The following PPRC1 variants were observed in gnomAD, a reference collection of about 807,000 sequenced individuals.
PPRC1 encodes PPARG related coactivator 1, also known as peroxisome proliferator-activated receptor gamma coactivator-related protein 1.
In PPRC1, 23 loss-of-function variants were observed where a neutral mutation model predicts 132.5. That is an observed-to-expected ratio of 0.17 (90% confidence interval 0.12 to 0.25). The LOEUF is 0.25. Ranked by LOEUF, PPRC1 falls within the 10% of genes least tolerant of loss-of-function variation. The pLI, the probability that PPRC1 is intolerant of heterozygous loss-of-function variation, is 1.00. For synonymous variants in PPRC1, 872 were observed against 833.5 expected, an observed-to-expected ratio of 1.05 and a Z score of -0.80; for missense variants, 2,006 against 2,089.1, an observed-to-expected ratio of 0.96 and a Z score of 0.78.
chr10:102,141,819 C>A lies in PPRC1; in HGVS notation c.3311C>A (p.Thr1104Asn). 2 of 1,614,046 alleles carry A rather than the reference C, an allele frequency of 1.2e-6. No homozygotes were observed. Among genetic ancestry groups the A allele is most frequent in the Non-Finnish European group, 1.7e-6 (2 of 1,179,966 alleles). The change falls in exon 5 of 14, where the codon ACC becomes AAC. Residue 1104 changes from threonine (T) to asparagine (N), a missense_variant. By Grantham distance (65) the Thr-to-Asn change is moderately conservative. This residue lies in a region of PPRC1 where 1,914 missense variants were observed against 1,917.2 expected (regional missense o/e 1.00). Transcript: ENST00000278070. ...EPASERLKPETQETRPREKPP... is the reference protein window; with the variant it reads ...EPASERLKPENQETRPREKPP... Reference sequence around the variant, plus strand: ...GCATCAGAGAGGCTAAAGCCTGAGACCCAAGAGACCAGGCCCAGGGAGAAG... The same window carrying A: ...GCATCAGAGAGGCTAAAGCCTGAGAACCAAGAGACCAGGCCCAGGGAGAAG...
At chr10:102,120,162 C>A in the PPRC1 span, 4 of 1,240,122 alleles carry the variant, frequency 3.2e-6, no homozygotes, top group South Asian at 1.2e-4. Context: ...GCCCGCCCCT[C>A]GCGGGGACAG....
Position 102,141,286 on chromosome 10 carries a change from T to C in PPRC1, c.2778T>C (p.Tyr926=). The change falls in exon 5 of 14, where the codon TAT becomes TAC. Residue 926 remains tyrosine, a synonymous_variant. Coordinates refer to ENST00000278070, the MANE Select transcript of PPRC1 (RefSeq NM_015062.5). The part of the protein sequence containing the change: ...HYAPLPSWPC[Y]PHVSPSGYPC... ...CCCCCTTGCCATCCTGGCCTTGTTA[T>C]CCTCATGTGTCCCCTTCTGGCTATC... is the stretch of plus-strand genomic sequence containing the variant. 4 of 1,614,072 alleles carry C rather than the reference T, an allele frequency of 2.5e-6. No homozygotes were observed. Among genetic ancestry groups the C allele is most frequent in the Non-Finnish European group, 3.4e-6 (4 of 1,179,972 alleles).
At position 102,146,767 on chromosome 10, in the gene PPRC1, C is replaced by G. The variant is rs1010356934; in HGVS notation, c.3775C>G (p.Gln1259Glu). Residue 1259 changes from glutamine (Q) to glutamate (E), a missense_variant, in exon 9 of 14, where the codon CAG becomes GAG. By Grantham distance (29) the Gln-to-Glu change is conservative (BLOSUM62 2). Coordinates refer to ENST00000278070, the MANE Select transcript of PPRC1 (RefSeq NM_015062.5). ...AKAKSPKSTA[Q>E]EGTLKPEGVT... Reference sequence around the variant, plus strand: ...AGCCAAATCTCCTAAGTCCACCGCCCAGGAGGGAACCCTGAAGCCTGAAGG... The same window carrying G: ...AGCCAAATCTCCTAAGTCCACCGCCGAGGAGGGAACCCTGAAGCCTGAAGG... 1.9e-6 allele frequency: 3 copies of G among 1,614,012 alleles called. No individual in the cohort carries two copies. In the African/African-American group the frequency reaches 4.0e-5, roughly 22 times the overall value.
chr10:102,134,017 G>A (rs569555285), intron 1 of PPRC1, among the ~76,000 whole-genome samples: 1 of 152,178 alleles, frequency 6.6e-6, no homozygotes, highest in South Asian at 2.1e-4. Context: ...TGAGGCTGAA[G>A]GGTTGTGGAG....
Position 102,139,060 on chromosome 10 carries a change from C to G in PPRC1, c.592-40C>G, listed in dbSNP as rs2068836405. The G allele has an allele frequency of 3.7e-6, 6 of 1,607,110 alleles. No individual in the cohort carries two copies. In the South Asian group the frequency reaches 5.5e-5, roughly 15 times the overall value. ...GGGACAGGTCTGGAAAATACTTTCC[C>G]AAAGAAAACTCCTCCTGAGACCTCT... On this transcript the variant is annotated intron_variant, in intron 4 of 13. Coordinates refer to ENST00000278070, the MANE Select transcript of PPRC1 (RefSeq NM_015062.5).
chr10:102,131,624 A>C (rs544803488), upstream of PPRC1, among the ~76,000 whole-genome samples: 8 of 152,214 alleles, frequency 5.3e-5, no homozygotes, highest in East Asian at 1.9e-4. Flanking sequence ...TGTTCATCAT[A>C]ATAATATGTA....
At chr10:102,122,122 C>T in the PPRC1 span, among the ~76,000 whole-genome samples, 2 of 152,076 alleles carry the variant, frequency 1.3e-5, no homozygotes, top group Admixed American at 6.5e-5. Context: ...CAGAGAGGAC[C>T]TGACTGAAGC....
At chr10:102,142,458 G>A (rs1286862474) in intron 5 of PPRC1, among the ~76,000 whole-genome samples, 5 of 104,172 alleles carry the variant, frequency 4.8e-5, no homozygotes, top group African/African-American at 7.4e-5. Flanking sequence ...TTCCTCTGTC[G>A]CCCAGGCTGG....
At position 102,140,575 on chromosome 10, in the gene PPRC1, A is replaced by C. The variant is rs557326217; in HGVS notation, c.2067A>C (p.Arg689Ser). The change falls in exon 5 of 14, where the codon AGA becomes AGC. Residue 689 changes from arginine (R) to serine (S), a missense_variant. Physicochemically the swap from Arg to Ser is moderately radical, Grantham distance 110. This residue lies in a region of PPRC1 where 1,914 missense variants were observed against 1,917.2 expected (regional missense o/e 1.00). Transcript: ENST00000278070. Reference protein sequence around the residue: ...TPVDPVLVKSRPTDPRRGAVS... With the variant: ...TPVDPVLVKSSPTDPRRGAVS... ...TTGACCCAGTGCTAGTTAAGTCCAG[A>C]CCAACTGATCCCAGACGTGGTGCAG... 4.3e-6 allele frequency: 7 copies of C among 1,613,978 alleles called. No homozygotes were observed. The South Asian group carries it at 6.6e-5, about 15-fold the overall frequency.
chr10:102,144,851 T>A (rs1317523002), intron 7 of PPRC1, 169 bp from the exon 8 acceptor site: 1 of 619,700 alleles, frequency 1.6e-6, no homozygotes, highest in East Asian at 2.8e-5. Context: ...GAGATCCAAT[T>A]TGTAGTTCAG....
chr10:102,135,748 G>A (rs2068699930), intron 1 of PPRC1, among the ~76,000 whole-genome samples: 1 of 152,338 alleles, frequency 6.6e-6, no homozygotes, highest in South Asian at 2.1e-4. Flanking sequence ...GATTTAGGGA[G>A]GGTCTCAGGC....
Position 102,133,134 on chromosome 10 carries a change from C to T in PPRC1, c.66C>T (p.Asp22=), listed in dbSNP as rs2068582887. 8.0e-7 allele frequency: 1 copy of T among 1,252,056 alleles called. No individual in the cohort carries two copies. The highest frequency in any genetic ancestry group is 1.0e-6 in the Non-Finnish European group (1 of 991,706). The allele number at this position is 1,252,056 out of a possible 1,614,324, so 77.6% of individuals were successfully genotyped here. A position where few individuals can be genotyped will look rare whatever the true frequency, so the allele number is the denominator to read the frequency against. ...CCCCGAGTGGGGGCCCCGGTCCGGACCCTGGCGGGGGAGCCCGCGGCAGTG... is the reference window on the plus strand; with the variant it reads ...CCCCGAGTGGGGGCCCCGGTCCGGATCCTGGCGGGGGAGCCCGCGGCAGTG... ...APPPSGGPGP[D]PGGGARGSGW... is the part of the protein sequence containing the mutation. The change falls in exon 1 of 14, where the codon GAC becomes GAT. Residue 22 remains aspartate (D), a synonymous_variant. Coordinates refer to ENST00000278070, the MANE Select transcript of PPRC1 (RefSeq NM_015062.5).
chr10:102,120,044 G>T, the PPRC1 span: 1 of 1,405,106 alleles, frequency 7.1e-7, no homozygotes, highest in Non-Finnish European at 9.5e-7. Flanking sequence ...CCGCAGGGAC[G>T]GCTGGGCAGG....
chr10:102,132,434 A>T (rs2133573273), upstream of PPRC1, among the ~76,000 whole-genome samples: 1 of 152,374 alleles, frequency 6.6e-6, no homozygotes, highest in East Asian at 1.9e-4. Flanking sequence ...GTCGACATAT[A>T]GGCAGGAGAA....
Position 102,141,500 on chromosome 10 carries a change from C to A in PPRC1, c.2992C>A (p.Pro998Thr). 1 of 1,613,782 alleles carries A rather than the reference C, an allele frequency of 6.2e-7. No homozygotes were observed. Among genetic ancestry groups the A allele is most frequent in the South Asian group, 1.1e-5 (1 of 91,058 alleles). ...ACATGCTCCATTCTGGTCTACTGTT[C>A]CCCCACCTCCTTTGCCTCCAGCCTC... ...PQHAPFWSTV[P>T]PPPLPPASIG... is the part of the protein sequence containing the mutation. The change falls in exon 5 of 14, where the codon CCC becomes ACC. Residue 998 changes from proline (P) to threonine (T), a missense_variant. Physicochemically the swap from Pro to Thr is conservative, Grantham distance 38. Around this residue, in one of 2 missense-constraint regions of PPRC1, gnomAD observed 1,914 missense variants for 1,917.2 expected, o/e 1.00. Transcript: ENST00000278070.
chr10:102,131,948 G>T (rs1024201286), upstream of PPRC1, among the ~76,000 whole-genome samples: 1 of 152,110 alleles, frequency 6.6e-6, no homozygotes, highest in Non-Finnish European at 1.5e-5. Flanking sequence ...GTGAGTCACC[G>T]AGCCACGGCC....
Position 102,141,122 on chromosome 10 carries a change from C to A in PPRC1, c.2614C>A (p.Pro872Thr), listed in dbSNP as rs916317520. 3 of 1,613,924 alleles carry A rather than the reference C, an allele frequency of 1.9e-6. No individual in the cohort carries two copies. In the East Asian group the frequency reaches 6.7e-5, roughly 36 times the overall value. The change falls in exon 5 of 14, where the codon CCT (proline) becomes ACT (threonine). Residue 872 changes from proline to threonine, a missense_variant. By Grantham distance (38) the Pro-to-Thr change is conservative. Around this residue, in one of 2 missense-constraint regions of PPRC1, gnomAD observed 1,914 missense variants for 1,917.2 expected, o/e 1.00. Coordinates refer to ENST00000278070, the MANE Select transcript of PPRC1 (RefSeq NM_015062.5). The part of the protein sequence containing the change: ...VQSVSPAVPT[P>T]PSMSAALPFP... ...GTCTGTGTCCCCTGCTGTGCCCACACCTCCCTCGATGTCTGCTGCCCTGCC... is the reference window on the plus strand; with the variant it reads ...GTCTGTGTCCCCTGCTGTGCCCACAACTCCCTCGATGTCTGCTGCCCTGCC...
intron 6 of PPRC1, 33 bp downstream of exon 6, chr10:102,143,131 T>G: frequency 6.3e-7 from 1 of 1,588,318 alleles, no homozygotes; most frequent in Non-Finnish European, 8.6e-7. Context: ...GCTCCAACTC[T>G]TTTTTTGGTG....
chr10:102,142,590 AT>A (rs1268916627), intron 5 of PPRC1, among the ~76,000 whole-genome samples: 2 of 141,026 alleles, frequency 1.4e-5, no homozygotes, highest in African/African-American at 5.2e-5. Flanking sequence ...GGCTTTTTGT[AT>A]TTTTAGCAGA....
Sources: gnomAD v4.1 joint callset for allele counts (sites outside exome capture counted in the v4.1 genomes callset) on GRCh38, gnomAD v4.1.1 for gene constraint, gnomAD v4.1.1 regional missense constraint, MANE v1.5 for transcripts, NCBI Gene and HGNC (gene_info 2026-07-23, HGNC 2026-07-21) for gene names.